Variants in MARCHF1 observed in about 807,000 individuals in gnomAD.
MARCHF1 encodes the protein membrane associated ring-CH-type finger 1.
Under a neutral mutation model 54.2 loss-of-function variants are expected in MARCHF1, and 40 were observed. The ratio of observed to expected loss-of-function variants is 0.74; its 90% confidence interval spans 0.57 to 0.96. The LOEUF is 0.96. Among genes scored for constraint, MARCHF1 ranks in the 40% least tolerant of loss-of-function variants. MARCHF1 has a pLI of 0.00. For missense variants in MARCHF1, 586 were observed against 656.5 expected (o/e 0.89, Z 1.17); for synonymous variants, 236 against 236.3 (o/e 1.00, Z 0.01).
intron 1 of MARCHF1, among the ~76,000 whole-genome samples, chr4:164,243,562 T>C (rs574797752): frequency 6.6e-6 from 1 of 150,528 alleles, no homozygotes; most frequent in South Asian, 2.1e-4. Context: ...ACGAGCAAAA[T>C]AACCAGCTAA....
In MARCHF1 at chr4:164,160,809, T is replaced by C. The variant is rs546823840; in HGVS notation, c.-322-49147A>G. Among the ~76,000 whole-genome samples, 3 of 152,146 alleles carry C rather than the reference T, an allele frequency of 2.0e-5. No individual in the cohort carries two copies. In the East Asian group the frequency reaches 5.8e-4, roughly 29 times the overall value. ...TGAAGCTTTTAAAGATTAAGCCAAG[T>C]AAAAAATTTTAAAGATCAGAAAGTG... On this transcript the variant is annotated intron_variant, in intron 1 of 9. Coordinates refer to ENST00000514618, the MANE Select transcript of MARCHF1 (RefSeq NM_001394959.1).
At chr4:164,155,023 T>C (rs1216171904) in intron 1 of MARCHF1, among the ~76,000 whole-genome samples, 1 of 152,170 alleles carries the variant, frequency 6.6e-6, no homozygotes, top group Non-Finnish European at 1.5e-5. Flanking sequence ...AAACTCCTCC[T>C]AACATTCCTT....
intron 4 of MARCHF1, among the ~76,000 whole-genome samples, chr4:163,813,483 T>C (rs952241869): frequency 6.6e-6 from 1 of 152,186 alleles, no homozygotes; most frequent in African/African-American, 2.4e-5. Flanking sequence ...ACCAGAATGC[T>C]ATATTAGAAT....
chr4:163,874,399 G>C, intron 3 of MARCHF1, among the ~76,000 whole-genome samples: 1 of 152,304 alleles, frequency 6.6e-6, no homozygotes, highest in South Asian at 2.1e-4. Context: ...ACCAAATACT[G>C]TAAGACCCAA....
At chr4:163,874,122 G>GAT (rs1750238485) in intron 3 of MARCHF1, among the ~76,000 whole-genome samples, 2 of 152,180 alleles carry the variant, frequency 1.3e-5, no homozygotes, top group African/African-American at 4.8e-5. Flanking sequence ...TAGCAAAAGA[G>GAT]ATAGAGGCAC....
chr4:164,274,915 A>T (rs925648231), intron 1 of MARCHF1, among the ~76,000 whole-genome samples: 5 of 150,686 alleles, frequency 3.3e-5, no homozygotes, highest in African/African-American at 1.2e-4. Flanking sequence ...TGACCTCGTG[A>T]TCCACCCGCC....
At chr4:163,779,869 A>G (rs1433004476) in intron 4 of MARCHF1, among the ~76,000 whole-genome samples, 1 of 152,156 alleles carries the variant, frequency 6.6e-6, no homozygotes, top group Admixed American at 6.5e-5. Context: ...CCTGGGCAAA[A>G]CCTCTGATTG....
chr4:164,179,027 A>T (rs1730762816), intron 1 of MARCHF1, among the ~76,000 whole-genome samples: 1 of 152,124 alleles, frequency 6.6e-6, no homozygotes, highest in African/African-American at 2.4e-5. Flanking sequence ...TGTGGCACGC[A>T]GACTCTCCCT....
intron 1 of MARCHF1, among the ~76,000 whole-genome samples, chr4:164,273,661 G>C (rs181960202): frequency 8.5e-5 from 13 of 152,328 alleles, no homozygotes; most frequent in African/African-American, 2.6e-4. Flanking sequence ...CCTTAGAGAA[G>C]ATTCAAGTGA....
At position 163,526,824 on chromosome 4, in the gene MARCHF1, C is replaced by T. The variant is rs1044722; in HGVS notation, c.*1924G>A. 3 of 151,672 alleles carry T rather than the reference C, an allele frequency of 2.0e-5. No homozygotes were observed. The highest frequency in any genetic ancestry group is 1.9e-4 in the East Asian group (1 of 5,164). The allele number at this position is 151,672 out of a possible 1,614,324, so 9.4% of individuals were successfully genotyped here. ...ACATTTTCCCCGCATATATACATGACTACACACACGCCATACACACACACA... is the reference window on the plus strand; with the variant it reads ...ACATTTTCCCCGCATATATACATGATTACACACACGCCATACACACACACA... On this transcript the variant is annotated 3_prime_UTR_variant, in exon 10 of 10. Coordinates refer to ENST00000514618, the MANE Select transcript of MARCHF1 (RefSeq NM_001394959.1).
intron 4 of MARCHF1, among the ~76,000 whole-genome samples, chr4:163,786,734 C>A (rs1747631891): frequency 6.6e-6 from 1 of 151,836 alleles, no homozygotes; most frequent in Admixed American, 6.6e-5. Context: ...ATAGAAAAAT[C>A]ATCCTAAAAT....
At chr4:164,210,996 T>C (rs1354589215) in intron 1 of MARCHF1, among the ~76,000 whole-genome samples, 1 of 151,940 alleles carries the variant, frequency 6.6e-6, no homozygotes, top group Admixed American at 6.6e-5. Flanking sequence ...ATGTGGAATC[T>C]AAAAAGAGTA....
At chr4:163,976,789 T>A (rs1427046485) in intron 3 of MARCHF1, among the ~76,000 whole-genome samples, 3 of 152,182 alleles carry the variant, frequency 2.0e-5, no homozygotes, top group Non-Finnish European at 4.4e-5. Flanking sequence ...CTTATTCTTC[T>A]AAACATCTCA....
intron 1 of MARCHF1, among the ~76,000 whole-genome samples, chr4:164,122,824 C>T (rs749530745): frequency 6.6e-6 from 1 of 152,054 alleles, no homozygotes; most frequent in Non-Finnish European, 1.5e-5. Context: ...CAGCAAGTAT[C>T]GTACTGAGTA....
intron 4 of MARCHF1, among the ~76,000 whole-genome samples, chr4:163,759,168 G>A (rs1292840455): frequency 6.7e-6 from 1 of 150,022 alleles, no homozygotes; most frequent in African/African-American, 2.5e-5. Flanking sequence ...GTGTGTAAGG[G>A]TTTGGAAAGT....
At chr4:164,035,117 C>G (rs1753965004) in intron 2 of MARCHF1, among the ~76,000 whole-genome samples, 1 of 151,888 alleles carries the variant, frequency 6.6e-6, no homozygotes, top group Admixed American at 6.6e-5. Flanking sequence ...ATATTTTTGA[C>G]CAATGAAAAT....
At chr4:163,690,005 C>A (rs564787772) in intron 5 of MARCHF1, among the ~76,000 whole-genome samples, 1 of 152,242 alleles carries the variant, frequency 6.6e-6, no homozygotes, top group East Asian at 1.9e-4. Flanking sequence ...GTTGGCATGA[C>A]CCCTTTTTCT....
chr4:163,859,324 C>T (rs2111185513), intron 3 of MARCHF1, among the ~76,000 whole-genome samples: 1 of 151,862 alleles, frequency 6.6e-6, no homozygotes, highest in East Asian at 1.9e-4. Flanking sequence ...GGAAGTAGGG[C>T]TCTCATTCTC....
chr4:164,059,138 G>A (rs558897888), intron 2 of MARCHF1, among the ~76,000 whole-genome samples: 1 of 152,254 alleles, frequency 6.6e-6, no homozygotes. Context: ...ATGCAGAAGG[G>A]AAATATAAGC....
Sources: gnomAD v4.1 joint callset for allele counts (sites outside exome capture counted in the v4.1 genomes callset) on GRCh38, gnomAD v4.1.1 for gene constraint, MANE v1.5 for transcripts, NCBI Gene and HGNC (gene_info 2026-07-23, HGNC 2026-07-21) for gene names.